The following RBMS3 variants were observed in gnomAD, a reference collection of about 807,000 sequenced individuals.
RBMS3 encodes the protein RNA-binding motif, single-stranded-interacting protein 3.
RBMS3 carries 27 observed loss-of-function variants against 66.8 expected under a neutral mutation model. That is an observed-to-expected ratio of 0.40 (90% CI 0.30 to 0.56). RBMS3 has a LOEUF of 0.56. Among genes scored for constraint, RBMS3 ranks in the 20% least tolerant of loss-of-function variants. The probability of loss-of-function intolerance (pLI) is 0.40; values close to 1 mark genes in which losing one functional copy is unlikely to be tolerated. For missense variants in RBMS3, 513 were observed against 549.5 expected (o/e 0.93, Z 0.66); for synonymous variants, 188 against 183.0 (o/e 1.03, Z -0.22).
chr3:29,671,926 C>G (rs1361937501), intron 4 of RBMS3, among the ~76,000 whole-genome samples: 1 of 152,140 alleles, frequency 6.6e-6, no homozygotes, highest in Non-Finnish European at 1.5e-5. Flanking sequence ...TAAGGAAATA[C>G]ATAGAACACC....
At chr3:29,796,694 T>A in intron 6 of RBMS3, among the ~76,000 whole-genome samples, 1 of 145,332 alleles carries the variant, frequency 6.9e-6, no homozygotes, top group East Asian at 2.0e-4. Context: ...CAATGAGAAG[T>A]AATATTTTGA....
intron 1 of RBMS3, among the ~76,000 whole-genome samples, chr3:29,307,292 T>A (rs1453467367): frequency 1.3e-5 from 2 of 151,948 alleles, no homozygotes; most frequent in African/African-American, 4.8e-5. Flanking sequence ...AGATCCAACT[T>A]TCTCCAATGT....
intron 12 of RBMS3, among the ~76,000 whole-genome samples, chr3:29,962,856 G>A (rs948020474): frequency 6.6e-6 from 1 of 151,870 alleles, no homozygotes; most frequent in Non-Finnish European, 1.5e-5. Flanking sequence ...TTGACTCACA[G>A]CTAATGAGGA....
At chr3:29,850,502 GT>G (rs1036504237) in intron 6 of RBMS3, among the ~76,000 whole-genome samples, 1 of 151,856 alleles carries the variant, frequency 6.6e-6, no homozygotes, top group South Asian at 2.1e-4. Flanking sequence ...GAAATTACAT[GT>G]TTTTTTAGTT....
chr3:29,716,938 A>C (rs1188370426), intron 4 of RBMS3, among the ~76,000 whole-genome samples: 1 of 143,680 alleles, frequency 7.0e-6, no homozygotes, highest in African/African-American at 2.4e-5. Context: ...ACATACAGAC[A>C]TATATAATAC....
intron 6 of RBMS3, among the ~76,000 whole-genome samples, chr3:29,785,744 C>T (rs2056796004): frequency 6.6e-6 from 1 of 151,876 alleles, no homozygotes; most frequent in Non-Finnish European, 1.5e-5. Context: ...TTATACTGAA[C>T]AGAGAAAAGT....
intron 10 of RBMS3, among the ~76,000 whole-genome samples, chr3:29,920,392 A>G (rs147060669): frequency 3.3e-5 from 5 of 152,326 alleles, no homozygotes; most frequent in African/African-American, 1.2e-4. Flanking sequence ...GGTTTAAAAG[A>G]ATGCCAAACT....
At chr3:29,386,081 T>C (rs2038996850) in intron 1 of RBMS3, among the ~76,000 whole-genome samples, 1 of 152,176 alleles carries the variant, frequency 6.6e-6, no homozygotes, top group Non-Finnish European at 1.5e-5. Flanking sequence ...TGTCCCTCTC[T>C]CTTCTTTCTT....
intron 3 of RBMS3, among the ~76,000 whole-genome samples, chr3:29,497,095 C>T (rs1372067833): frequency 1.3e-5 from 2 of 151,958 alleles, no homozygotes; most frequent in East Asian, 1.9e-4. Context: ...CTGCAACCTC[C>T]GCCTCCCGGG....
At chr3:29,935,272 T>C (rs917997188) in intron 10 of RBMS3, among the ~76,000 whole-genome samples, 2 of 152,122 alleles carry the variant, frequency 1.3e-5, no homozygotes, top group Non-Finnish European at 2.9e-5. Context: ...CATATGACAC[T>C]TTGCATATGG....
At chr3:29,984,667 C>T (rs1156536293) in intron 12 of RBMS3, among the ~76,000 whole-genome samples, 5 of 152,140 alleles carry the variant, frequency 3.3e-5, no homozygotes, top group Non-Finnish European at 5.9e-5. Flanking sequence ...CAGTCAAGCC[C>T]CTCTGCTGCA....
chr3:29,412,155 T>C (rs559332937), intron 1 of RBMS3, among the ~76,000 whole-genome samples: 31 of 152,342 alleles, frequency 2.0e-4, no homozygotes, highest in Non-Finnish European at 3.7e-4. Context: ...TTTGTACATA[T>C]ATAGTGAGAC....
chr3:29,814,992 C>T (rs570763960), intron 6 of RBMS3, among the ~76,000 whole-genome samples: 3 of 152,258 alleles, frequency 2.0e-5, no homozygotes, highest in African/African-American at 7.2e-5. Context: ...CTTGGAGGAA[C>T]TGATGTTTGG....
intron 1 of RBMS3, among the ~76,000 whole-genome samples, chr3:29,305,373 C>A (rs921266053): frequency 1.1e-4 from 16 of 151,936 alleles, no homozygotes; most frequent in African/African-American, 3.4e-4. Flanking sequence ...TGATCTATTA[C>A]ATTCTTTGTT....
intron 4 of RBMS3, among the ~76,000 whole-genome samples, chr3:29,667,073 G>A (rs1426052756): frequency 6.6e-6 from 1 of 152,100 alleles, no homozygotes; most frequent in Admixed American, 6.5e-5. Context: ...TAACCAAATT[G>A]TTTCCCTGCT....
intron 6 of RBMS3, chr3:29,767,204 C>T (rs948538514): frequency 6.6e-6 from 1 of 151,922 alleles, no homozygotes; most frequent in South Asian, 2.1e-4. Flanking sequence ...AATGATACAC[C>T]ATGCGGAAAA....
chr3:29,731,938 T>C (rs1443455088), intron 4 of RBMS3, among the ~76,000 whole-genome samples: 1 of 151,432 alleles, frequency 6.6e-6, no homozygotes, highest in Non-Finnish European at 1.5e-5. Context: ...CCCATTTCCC[T>C]CTCTCCCCAT....
intron 6 of RBMS3, among the ~76,000 whole-genome samples, chr3:29,845,899 T>A (rs573423239): frequency 6.6e-6 from 1 of 152,284 alleles, no homozygotes; most frequent in African/African-American, 2.4e-5. Context: ...GTAAAGATAT[T>A]TGAGAGGAAA....
intron 4 of RBMS3, among the ~76,000 whole-genome samples, chr3:29,631,578 G>T (rs2149176733): frequency 6.6e-6 from 1 of 151,800 alleles, no homozygotes; most frequent in African/African-American, 2.4e-5. Context: ...ACACACCACA[G>T]GTCAAACACC....
Sources: gnomAD v4.1 joint callset for allele counts (sites outside exome capture counted in the v4.1 genomes callset) on GRCh38, gnomAD v4.1.1 for gene constraint, MANE v1.5 for transcripts, NCBI Gene and HGNC (gene_info 2026-07-23, HGNC 2026-07-21) for gene names.